The following UBR4 variants were observed in gnomAD, a reference collection of about 807,000 sequenced individuals.
UBR4 encodes ubiquitin protein ligase E3 component n-recognin 4.
A neutral mutation model predicts 575.6 loss-of-function variants in UBR4; 124 were observed. The observed-to-expected ratio is 0.22, with a 90% CI of 0.19 to 0.25. The LOEUF is 0.25. Ranked by LOEUF, UBR4 falls within the 10% of genes least tolerant of loss-of-function variation. UBR4 has a pLI of 1.00. For synonymous variants in UBR4, 2,455 were observed against 2,473.7 expected (o/e 0.99, Z 0.22); for missense variants, 4,818 against 6,478.8 (o/e 0.74, Z 8.80).
intron 102 of UBR4, among the ~76,000 whole-genome samples, chr1:19,083,146 AC>A (rs1397056192): frequency 6.6e-6 from 1 of 152,112 alleles, no homozygotes; most frequent in Non-Finnish European, 1.5e-5. Flanking sequence ...CCCCAGGAAC[AC>A]TGAGAAGGAG....
chr1:19,193,658 T>C lies in UBR4; in HGVS notation c.1019-101A>G, dbSNP rs921453121. The C allele has an allele frequency of 4.2e-6, 6 of 1,433,468 alleles. No individual in the cohort carries two copies. The African/African-American group carries it at 5.7e-5, about 14-fold the overall frequency. The allele number at this position is 1,433,468 out of a possible 1,614,324, so 88.8% of individuals were successfully genotyped here. On this transcript the variant is annotated intron_variant, in intron 8 of 105. Coordinates refer to ENST00000375254, the MANE Select transcript of UBR4 (RefSeq NM_020765.3). ...CCCCACCCACAAGCAATTCCATGAT[T>C]TGACTACTTAAAATAAATGCCATTA...
rs752720297 is a variant in UBR4, at chr1:19,093,223, C to T, written c.14111+90G>A. ...GGCCCCAAGGAGGGCAAGGGGCACA[C>T]GTGAAGCTTTATGCCAAGATGCTGA... On this transcript the variant is annotated intron_variant, in intron 96 of 105. Transcript: ENST00000375254. The surrounding 1 kb of genome is among the most constrained non-coding windows in gnomAD (Gnocchi z 4.8). The T allele has an allele frequency of 2.0e-5, 30 of 1,512,004 alleles. No homozygotes were observed. The highest frequency in any genetic ancestry group is 2.5e-5 in the Non-Finnish European group (28 of 1,113,048). The allele number at this position is 1,512,004 out of a possible 1,614,324, so 93.7% of individuals were successfully genotyped here. A position where few individuals can be genotyped will look rare whatever the true frequency, so the allele number is the denominator to read the frequency against.
rs1427831062 is a variant in UBR4, at chr1:19,175,875, C to G, written c.2773+717G>C. Among the ~76,000 whole-genome samples, 4 of 152,116 alleles carry G rather than the reference C, an allele frequency of 2.6e-5. No homozygotes were observed. In the East Asian group the frequency reaches 7.7e-4, roughly 29 times the overall value. ...GTGGCGTGATCACAGCTCACTGCAACCTCAACCTCCCAAGCTCAAACGATC... is the reference window on the plus strand; with the variant it reads ...GTGGCGTGATCACAGCTCACTGCAAGCTCAACCTCCCAAGCTCAAACGATC... On this transcript the variant is annotated intron_variant, in intron 20 of 105. Transcript: ENST00000375254.
At position 19,210,174 on chromosome 1, in the gene UBR4, C is replaced by A; in HGVS notation, c.75G>T (p.Thr25=). 1 of 1,523,646 alleles carries A rather than the reference C, an allele frequency of 6.6e-7. No homozygotes were observed. Among genetic ancestry groups the A allele is most frequent in the Non-Finnish European group, 8.8e-7 (1 of 1,141,556 alleles). 94.4% of individuals were successfully genotyped at this position (1,523,646 alleles called of 1,614,324 possible). The change falls in exon 1 of 106, where the codon ACG becomes ACT. Residue 25 remains threonine (T), a synonymous_variant. Coordinates refer to ENST00000375254, the MANE Select transcript of UBR4 (RefSeq NM_020765.3). The part of the protein sequence containing the change: ...APGTPATGAD[T]TPGWEVAVRP... Reference sequence around the variant, plus strand: ...GCACAGCCACCTCCCAGCCCGGGGTCGTGTCCGCCCCCGTTGCCGGGGTCC... The same window carrying A: ...GCACAGCCACCTCCCAGCCCGGGGTAGTGTCCGCCCCCGTTGCCGGGGTCC...
chr1:19,143,846 G>T, intron 55 of UBR4, 134 bp downstream of exon 55: 1 of 661,596 alleles, frequency 1.5e-6, no homozygotes, highest in Non-Finnish European at 2.6e-6. Context: ...GGTGAGGTAG[G>T]ATTAGAAAAA....
rs1192092136 is a variant in UBR4 at position 19,153,955 on chromosome 1, C to G, written c.6459-16G>C. On this transcript the variant is annotated splice_polypyrimidine_tract_variant and intron_variant, in intron 44 of 105. Coordinates refer to ENST00000375254, the MANE Select transcript of UBR4 (RefSeq NM_020765.3). This position sits in a 1 kb window ranked among gnomAD's most constrained non-coding sequence, Gnocchi z 4.1. The stretch of plus-strand genomic sequence containing the variant: ...ACCATTGGAACTGCAGACAACAAAA[C>G]TGGCCACAGTTAGAGTGTCAGTCAC... 1.9e-6 allele frequency: 3 copies of G among 1,611,044 alleles called. No homozygotes were observed. The highest frequency in any genetic ancestry group is 1.3e-5 in the African/African-American group (1 of 74,932).
intron 101 of UBR4, among the ~76,000 whole-genome samples, chr1:19,085,535 T>C (rs1466290729): frequency 1.3e-5 from 2 of 152,108 alleles, no homozygotes; most frequent in South Asian, 2.1e-4. Context: ...AACAAAAGAA[T>C]AGAGGTTAAG....
chr1:19,104,175 G>T lies in UBR4; in HGVS notation c.12810C>A (p.Tyr4270Ter), dbSNP rs1236905826. The T allele has an allele frequency of 6.2e-7, 1 of 1,614,070 alleles. No homozygotes were observed. Among genetic ancestry groups the T allele is most frequent in the Non-Finnish European group, 8.5e-7 (1 of 1,180,042 alleles). ...SRLVGTVLNG[Y>*]LCLRKLVVQR... is the part of the protein sequence containing the mutation. The stretch of plus-strand genomic sequence containing the variant: ...GCACCACCAGCTTCCGCAAGCACAG[G>T]TATCCATTCAGCACAGTACCCACCA... Residue 4270 changes from tyrosine to a stop codon, truncating the protein, a stop_gained, in exon 87 of 106, where the codon TAC (tyrosine) becomes TAA (stop). Transcript: ENST00000375254. LOFTEE classifies it high-confidence loss of function.
intron 87 of UBR4, among the ~76,000 whole-genome samples, chr1:19,102,085 CAACTT>C (rs1213710752): frequency 1.3e-5 from 2 of 152,152 alleles, no homozygotes; most frequent in Non-Finnish European, 2.9e-5. Flanking sequence ...CGAAAAAACA[CAACTT>C]AAAGTAACAT....
intron 103 of UBR4, chr1:19,079,613 G>A (rs557528119): frequency 6.6e-5 from 10 of 152,356 alleles, no homozygotes; most frequent in South Asian, 2.1e-4. Context: ...CTTACCCCAT[G>A]ACTTACAGGA....
chr1:19,140,504 A>G (rs2083752973), intron 58 of UBR4, among the ~76,000 whole-genome samples: 1 of 152,274 alleles, frequency 6.6e-6, no homozygotes, highest in African/African-American at 2.4e-5. Flanking sequence ...TGGAAGCTGA[A>G]GTGGAAGCCC....
intron 103 of UBR4, chr1:19,078,279 G>T (rs960790172): frequency 2.0e-6 from 1 of 512,494 alleles, no homozygotes; most frequent in Non-Finnish European, 3.5e-6. Flanking sequence ...AATGCTCCAT[G>T]AAATTCATCT....
chr1:19,079,077 A>C (rs1270092127), intron 103 of UBR4: 1 of 152,196 alleles, frequency 6.6e-6, no homozygotes, highest in Non-Finnish European at 1.5e-5. Context: ...CCATGACTAA[A>C]GGGACATATA....
rs751597545 is a variant in UBR4 at position 19,099,672 on chromosome 1, T to C, written c.13227A>G (p.Leu4409=). The C allele has an allele frequency of 1.9e-6, 3 of 1,613,044 alleles. No individual in the cohort carries two copies. Among genetic ancestry groups the C allele is most frequent in the South Asian group, 1.1e-5 (1 of 90,808 alleles). The change falls in exon 90 of 106, where the codon CTA becomes CTG. Residue 4409 remains leucine, a synonymous_variant. Transcript: ENST00000375254. ...LLEDDSGMEL[L]VNNKIISLDL... ...CCAAACTAATGATTTTATTGTTCAC[T>C]AGAAGCTGAACAGAAAAGCAGGTGA...
At chr1:19,091,719 T>C (rs1259135724) in intron 97 of UBR4, among the ~76,000 whole-genome samples, 1 of 152,160 alleles carries the variant, frequency 6.6e-6, no homozygotes, top group Non-Finnish European at 1.5e-5. Context: ...AAATGTAAAA[T>C]GTAAAATGCT....
intron 1 of UBR4, among the ~76,000 whole-genome samples, chr1:19,208,575 G>A (rs896951930): frequency 6.6e-6 from 1 of 150,648 alleles, no homozygotes; most frequent in African/African-American, 2.4e-5. Context: ...TCTTATTAAT[G>A]TCTACAAATA....
At chr1:19,174,527 T>C in intron 21 of UBR4, 80 bp from the exon 22 acceptor site, 1 of 1,521,128 alleles carries the variant, frequency 6.6e-7, no homozygotes, top group Non-Finnish European at 8.8e-7. Flanking sequence ...TCACTTATCC[T>C]CATGATTGAC....
rs2084960860 is a variant in UBR4, at chr1:19,147,015, G to A, written c.7630-15C>T. ...AAGGCCTGATCCTGTAAAACAACAG[G>A]AGCACAGAGGGTCAGCCATAAGCAA... is the stretch of plus-strand genomic sequence containing the variant. On this transcript the variant is annotated splice_polypyrimidine_tract_variant and intron_variant, in intron 51 of 105. Coordinates refer to ENST00000375254, the MANE Select transcript of UBR4 (RefSeq NM_020765.3). The A allele has an allele frequency of 1.3e-6, 2 of 1,576,718 alleles. No individual in the cohort carries two copies. Among genetic ancestry groups the A allele is most frequent in the East Asian group, 2.3e-5 (1 of 43,820 alleles).
In UBR4 at chr1:19,155,574, T is replaced by C; in HGVS notation, c.6167A>G (p.Glu2056Gly). The change falls in exon 43 of 106, where the codon GAG (glutamate) becomes GGG (glycine). Residue 2056 changes from glutamate to glycine, a missense_variant. Coordinates refer to ENST00000375254, the MANE Select transcript of UBR4 (RefSeq NM_020765.3). ...IRDVTFLFNEEGKNIIVIMSS... is the reference protein window; with the variant it reads ...IRDVTFLFNEGGKNIIVIMSS... ...CATTATAACAATGATGTTCTTTCCC[T>C]CCTCATTGAAAAGGAAGGTAACATC... 1 of 1,614,152 alleles carries C rather than the reference T, an allele frequency of 6.2e-7. No homozygotes were observed. The highest frequency in any genetic ancestry group is 8.5e-7 in the Non-Finnish European group (1 of 1,180,012).
Sources: gnomAD v4.1 joint callset for allele counts (sites outside exome capture counted in the v4.1 genomes callset) on GRCh38, gnomAD v4.1.1 for gene constraint, Gnocchi (gnomAD v3.1) non-coding constraint, MANE v1.5 for transcripts, NCBI Gene and HGNC (gene_info 2026-07-23, HGNC 2026-07-21) for gene names.